MAGI2: variants seen among roughly 807,000 people sequenced by gnomAD.
MAGI2 encodes membrane associated guanylate kinase, WW and PDZ domain containing 2.
Under a neutral mutation model 133.3 loss-of-function variants are expected in MAGI2, and 35 were observed. The ratio of observed to expected loss-of-function variants is 0.26; its 90% CI spans 0.20 to 0.35. MAGI2 has a LOEUF of 0.35. Among genes scored for constraint, MAGI2 ranks in the 10% least tolerant of loss-of-function variants. MAGI2 has a pLI of 1.00. For synonymous variants in MAGI2, 729 were observed against 710.6 expected, an observed-to-expected ratio of 1.03 and a Z score of -0.41; for missense variants, 1,636 against 1,863.4, an observed-to-expected ratio of 0.88 and a Z score of 2.25.
chr7:79,297,676 T>C (rs1313166183), intron 1 of MAGI2, among the ~76,000 whole-genome samples: 1 of 152,164 alleles, frequency 6.6e-6, no homozygotes, highest in Non-Finnish European at 1.5e-5. Flanking sequence ...ATAATATAAA[T>C]CCAGAGAAAT....
At chr7:78,160,359 A>T in intron 15 of MAGI2, 86 bp from the exon 16 acceptor site, 2 of 1,347,980 alleles carry the variant, frequency 1.5e-6, no homozygotes, top group South Asian at 2.0e-5. Context: ...TGTTCTAGAC[A>T]GTGGTATTGT....
intron 6 of MAGI2, among the ~76,000 whole-genome samples, chr7:78,476,556 C>CT (rs924354688): frequency 9.9e-4 from 151 of 152,054 alleles, no homozygotes; most frequent in African/African-American, 3.4e-3. Context: ...TTTTGCATTG[C>CT]TGATTTGAAG....
chr7:79,369,970 A>G (rs528322703), intron 1 of MAGI2, among the ~76,000 whole-genome samples: 3 of 152,102 alleles, frequency 2.0e-5, no homozygotes, highest in Admixed American at 6.6e-5. Context: ...TATATTATAT[A>G]TTATGTCTGT....
chr7:78,415,091 T>C (rs1207788585), intron 6 of MAGI2, among the ~76,000 whole-genome samples: 1 of 152,116 alleles, frequency 6.6e-6, no homozygotes, highest in African/African-American at 2.4e-5. Flanking sequence ...TTAATGCCTT[T>C]ATTCATACAC....
At chr7:79,362,135 T>A (rs896167457) in intron 1 of MAGI2, among the ~76,000 whole-genome samples, 2 of 151,698 alleles carry the variant, frequency 1.3e-5, no homozygotes, top group Non-Finnish European at 2.9e-5. Flanking sequence ...TAGCTTTTTT[T>A]TAAAAAAACA....
intron 2 of MAGI2, among the ~76,000 whole-genome samples, chr7:78,925,404 TG>T (rs1276244934): frequency 6.6e-6 from 1 of 152,082 alleles, no homozygotes; most frequent in African/African-American, 2.4e-5. Flanking sequence ...ATGTGGAATT[TG>T]TATGCCTCTC....
chr7:78,444,351 C>T (rs1329858012), intron 6 of MAGI2, among the ~76,000 whole-genome samples: 1 of 152,010 alleles, frequency 6.6e-6, no homozygotes, highest in Non-Finnish European at 1.5e-5. Flanking sequence ...ATCTTAGATG[C>T]ATTTTGGTCC....
intron 1 of MAGI2, among the ~76,000 whole-genome samples, chr7:79,395,203 A>C (rs1399172529): frequency 1.3e-5 from 2 of 152,224 alleles, no homozygotes; most frequent in African/African-American, 4.8e-5. Flanking sequence ...TAAATGTAAA[A>C]GTGAGCTATT....
In MAGI2 at chr7:79,023,985, T is replaced by A. The variant is rs190641784; in HGVS notation, c.302-16779A>T. Among the ~76,000 whole-genome samples, 792 of 152,002 alleles carry A rather than the reference T, an allele frequency of 5.2e-3. 2 individuals carry two copies. Among genetic ancestry groups the A allele is most frequent in the African/African-American group, 0.011 (469 of 41,484 alleles). ...TTCTTCACAGAATTAGAAAAAAAAA[T>A]TTTAAATTCATATGGAACCAAAAAG... On this transcript the variant is annotated intron_variant, in intron 1 of 21. Coordinates refer to ENST00000354212, the MANE Select transcript of MAGI2 (RefSeq NM_012301.4).
chr7:78,341,686 C>A (rs778986114), intron 9 of MAGI2, among the ~76,000 whole-genome samples: 1 of 152,062 alleles, frequency 6.6e-6, no homozygotes, highest in Non-Finnish European at 1.5e-5. Context: ...CTTTGACAAA[C>A]CTGAAGAAAA....
At chr7:79,327,475 A>T (rs1242459218) in intron 1 of MAGI2, among the ~76,000 whole-genome samples, 1 of 152,148 alleles carries the variant, frequency 6.6e-6, no homozygotes, top group African/African-American at 2.4e-5. Flanking sequence ...GTAAAGGGAA[A>T]TCCTGACACA....
intron 1 of MAGI2, among the ~76,000 whole-genome samples, chr7:79,322,053 G>A (rs950340882): frequency 6.6e-6 from 1 of 151,944 alleles, no homozygotes; most frequent in Non-Finnish European, 1.5e-5. Context: ...ACCTATTTTA[G>A]TTCATAGTCA....
At chr7:79,118,088 T>C (rs1286700572) in intron 1 of MAGI2, among the ~76,000 whole-genome samples, 2 of 152,196 alleles carry the variant, frequency 1.3e-5, no homozygotes, top group East Asian at 1.9e-4. Flanking sequence ...TGAAATAAAG[T>C]AGGACATAGC....
chr7:78,117,418 A>G (rs1819980957), intron 20 of MAGI2, among the ~76,000 whole-genome samples: 1 of 152,072 alleles, frequency 6.6e-6, no homozygotes, highest in African/African-American at 2.4e-5. Flanking sequence ...TTACCATATA[A>G]AAGAAAAAGA....
intron 2 of MAGI2, among the ~76,000 whole-genome samples, chr7:78,628,044 A>C (rs543436796): frequency 7.4e-4 from 112 of 152,300 alleles, no homozygotes; most frequent in Non-Finnish European, 1.4e-3. Context: ...TATGACGGCC[A>C]AGGTGGCAGG....
rs1243404337 is a variant in MAGI2 at position 79,324,419 on chromosome 7, CTATAACCATATATA to C, written c.301+128587_301+128600del. On this transcript the variant is annotated intron_variant, in intron 1 of 21. Coordinates refer to ENST00000354212, the MANE Select transcript of MAGI2 (RefSeq NM_012301.4). ...ATATATATACACACAACGTATCTAT[CTATAACCATATATA>C]TATAACCATATATATATGGTTATAG... Among the ~76,000 whole-genome samples the C allele has an allele frequency of 1.2e-4, 14 of 119,696 alleles. 1 individual carries two copies. The highest frequency in any genetic ancestry group is 2.6e-4 in the South Asian group (1 of 3,828). 78.5% of individuals were successfully genotyped at this position (119,696 alleles called of 152,430 possible).
At chr7:78,357,526 C>G (rs1489023124) in intron 7 of MAGI2, among the ~76,000 whole-genome samples, 1 of 152,090 alleles carries the variant, frequency 6.6e-6, no homozygotes, top group Non-Finnish European at 1.5e-5. Flanking sequence ...TATTTTGATG[C>G]CCAATTAAAA....
chr7:78,116,189 A>G (rs1311755735), intron 20 of MAGI2, among the ~76,000 whole-genome samples: 1 of 152,244 alleles, frequency 6.6e-6, no homozygotes, highest in East Asian at 1.9e-4. Flanking sequence ...AAATAAAAAA[A>G]CAAAAACACC....
chr7:78,593,559 A>T (rs1804272424), intron 3 of MAGI2, among the ~76,000 whole-genome samples: 1 of 152,192 alleles, frequency 6.6e-6, no homozygotes, highest in African/African-American at 2.4e-5. Flanking sequence ...TTTTAGAAGT[A>T]GAATATTTTG....
Sources: allele counts gnomAD v4.1 joint callset (sites outside exome capture counted in the v4.1 genomes callset), GRCh38; gene constraint gnomAD v4.1.1; transcripts MANE v1.5; gene names NCBI Gene and HGNC (gene_info 2026-07-23, HGNC 2026-07-21).